The following DUSP10 variants were observed in gnomAD, a reference collection of about 807,000 sequenced individuals.
DUSP10 encodes the protein dual specificity protein phosphatase 10.
Under a neutral mutation model 30.8 loss-of-function variants are expected in DUSP10, and 14 were observed. That is an observed-to-expected ratio of 0.46 (90% CI 0.30 to 0.71). DUSP10 has a LOEUF of 0.71. Among genes scored for constraint, DUSP10 ranks in the 30% least tolerant of loss-of-function variants. DUSP10 has a pLI of 0.08. For synonymous variants in DUSP10, 254 were observed against 250.4 expected (o/e 1.01, Z -0.14); for missense variants, 550 against 619.4 (o/e 0.89, Z 1.19).
intron 2 of DUSP10, among the ~76,000 whole-genome samples, chr1:221,728,546 A>G (rs1469408764): frequency 6.6e-6 from 1 of 152,238 alleles, no homozygotes; most frequent in Non-Finnish European, 1.5e-5. Context: ...AGGAGAGGAG[A>G]GAAACTAAAC....
At chr1:221,715,419 C>T (rs1001474889) in intron 2 of DUSP10, among the ~76,000 whole-genome samples, 4 of 152,168 alleles carry the variant, frequency 2.6e-5, no homozygotes, top group African/African-American at 4.8e-5. Context: ...GGATTTCCGC[C>T]GGCTGGAGTA....
intron 2 of DUSP10, among the ~76,000 whole-genome samples, chr1:221,727,820 A>T (rs1558124102): frequency 6.6e-6 from 1 of 152,136 alleles, no homozygotes; most frequent in Non-Finnish European, 1.5e-5. Context: ...TGCCTTGATC[A>T]CCCATGTCCC....
rs911789135 is a variant in DUSP10, at chr1:221,706,598, C to CA, written c.812-133dup. 5.7e-5 allele frequency: 33 copies of CA among 575,548 alleles called. No individual in the cohort carries two copies. Among genetic ancestry groups the CA allele is most frequent in the East Asian group, 1.7e-4 (5 of 28,716 alleles). 35.7% of individuals were successfully genotyped at this position (575,548 alleles called of 1,614,324 possible). A position where few individuals can be genotyped will look rare whatever the true frequency, so the allele number is the denominator to read the frequency against. On this transcript the variant is annotated intron_variant, in intron 2 of 3. Transcript: ENST00000366899. The surrounding 1 kb of genome is among the most constrained non-coding windows in gnomAD (Gnocchi z 4.6). The stretch of plus-strand genomic sequence containing the variant: ...ATACATATATAAATATGTATTTAAG[C>CA]AAAAAAAATAAAAATAAAAATAAAA...
Position 221,710,869 on chromosome 1 carries a change from G to A in DUSP10, c.812-4403C>T, listed in dbSNP as rs145035389. 3.9e-3 allele frequency among the ~76,000 whole-genome samples: 599 copies of A among 151,980 alleles called. 2 individuals carry two copies. Among genetic ancestry groups the A allele is most frequent in the African/African-American group, 0.014 (568 of 41,394 alleles). ...CTACCAAGGTGGCTAACTTCCTTAT[G>A]TGCACAAGAGCCTGCAGTTATTAGT... is the stretch of plus-strand genomic sequence containing the variant. On this transcript the variant is annotated intron_variant, in intron 2 of 3. Coordinates refer to ENST00000366899, the MANE Select transcript of DUSP10 (RefSeq NM_007207.6).
At chr1:221,723,546 C>T (rs1661338820) in intron 2 of DUSP10, among the ~76,000 whole-genome samples, 1 of 152,246 alleles carries the variant, frequency 6.6e-6, no homozygotes, top group African/African-American at 2.4e-5. Flanking sequence ...CCAGGCCACC[C>T]ACACTTCTAG....
intron 1 of DUSP10, among the ~76,000 whole-genome samples, 159 bp from the exon 2 acceptor site, chr1:221,739,946 A>T (rs141434005): frequency 6.6e-6 from 1 of 152,316 alleles, no homozygotes; most frequent in East Asian, 1.9e-4. Flanking sequence ...ATTTTTATGT[A>T]TTCAAAGAGG....
Position 221,706,470 on chromosome 1 carries a change from G to T in DUSP10, c.812-4C>A. 1 of 1,499,734 alleles carries T rather than the reference G, an allele frequency of 6.7e-7. No individual in the cohort carries two copies. Among genetic ancestry groups the T allele is most frequent in the South Asian group, 1.4e-5 (1 of 72,052 alleles). 92.9% of individuals were successfully genotyped at this position (1,499,734 alleles called of 1,614,324 possible). A position where few individuals can be genotyped will look rare whatever the true frequency, so the allele number is the denominator to read the frequency against. On this transcript the variant is annotated splice_polypyrimidine_tract_variant and splice_region_variant and intron_variant, in intron 2 of 3. Transcript: ENST00000366899. The surrounding 1 kb of genome is among the most constrained non-coding windows in gnomAD (Gnocchi z 4.6). ...TGCTTAAAACTACTAAGTCCACCTA[G>T]AACACAAACACAGAAGGTGAGTGTG...
chr1:221,703,979 A>G (rs545770728), intron 3 of DUSP10, among the ~76,000 whole-genome samples: 3 of 152,226 alleles, frequency 2.0e-5, no homozygotes, highest in Non-Finnish European at 4.4e-5. Flanking sequence ...TTTTCCCTTC[A>G]GCACACGGTA....
intron 2 of DUSP10, among the ~76,000 whole-genome samples, chr1:221,707,216 T>C (rs1337445542): frequency 2.0e-5 from 3 of 152,220 alleles, no homozygotes; most frequent in Non-Finnish European, 2.9e-5. Context: ...ATATTATTTA[T>C]ATGATTGCCC....
In DUSP10 at chr1:221,739,250, A is replaced by T; in HGVS notation, c.495T>A (p.Ser165Arg). 1.9e-6 allele frequency: 3 copies of T among 1,613,866 alleles called. No individual in the cohort carries two copies. The highest frequency in any genetic ancestry group is 2.5e-6 in the Non-Finnish European group (3 of 1,179,990). The change falls in exon 2 of 4, where the codon AGT becomes AGA. Residue 165 changes from serine (S) to arginine (R), a missense_variant. Ser to Arg is a moderately radical substitution (Grantham distance 110). Transcript: ENST00000366899. Reference protein sequence around the residue: ...LAKKMTKCSKSHLPSQGPVII... With the variant: ...LAKKMTKCSKRHLPSQGPVII... ...TGACAGGGCCCTGACTCGGCAGGTG[A>T]CTCTTGCTGCATTTGGTCATCTTCT...
intron 2 of DUSP10, among the ~76,000 whole-genome samples, chr1:221,731,026 T>C (rs1661574517): frequency 6.6e-6 from 1 of 152,186 alleles, no homozygotes. Context: ...TATAATGAAA[T>C]TCAGGCTACA....
In DUSP10 at chr1:221,702,534, G is replaced by A. The variant is rs1166679701; in HGVS notation, c.1327C>T (p.Pro443Ser). Residue 443 changes from proline (P) to serine (S), a missense_variant, in exon 4 of 4, where the codon CCA (proline) becomes TCA (serine). Physicochemically the swap from Pro to Ser is moderately conservative, Grantham distance 74. Coordinates refer to ENST00000366899, the MANE Select transcript of DUSP10 (RefSeq NM_007207.6). This position sits in a 1 kb window ranked among gnomAD's most constrained non-coding sequence, Gnocchi z 4.5. ...DAYKFVKGKR[P>S]IISPNLNFMG... is the part of the protein sequence containing the mutation. ...AAGTTAAGGTTTGGGGAGATAATTG[G>A]TCGTTTGCCTTTGACAAATTTATAA... 6 of 1,614,000 alleles carry A rather than the reference G, an allele frequency of 3.7e-6. No homozygotes were observed. Among genetic ancestry groups the A allele is most frequent in the Non-Finnish European group, 5.1e-6 (6 of 1,180,040 alleles).
chr1:221,730,316 C>T (rs1008543721), intron 2 of DUSP10, among the ~76,000 whole-genome samples: 11 of 152,202 alleles, frequency 7.2e-5, no homozygotes, highest in South Asian at 4.1e-4. Flanking sequence ...CATTATAACA[C>T]GAGAGGTTTA....
At chr1:221,703,528 G>T (rs928785784) in intron 3 of DUSP10, among the ~76,000 whole-genome samples, 6 of 152,206 alleles carry the variant, frequency 3.9e-5, no homozygotes, top group Non-Finnish European at 7.3e-5. Flanking sequence ...GGCCGAGGGT[G>T]TCACCTCTCA....
rs1422915247 is a variant in DUSP10 at position 221,706,056 on chromosome 1, G to A, written c.1183+39C>T. The A allele has an allele frequency of 6.3e-7, 1 of 1,584,082 alleles. No individual in the cohort carries two copies. Among genetic ancestry groups the A allele is most frequent in the Non-Finnish European group, 8.6e-7 (1 of 1,162,940 alleles). On this transcript the variant is annotated intron_variant, in intron 3 of 3. Coordinates refer to ENST00000366899, the MANE Select transcript of DUSP10 (RefSeq NM_007207.6). The surrounding 1 kb of genome is among the most constrained non-coding windows in gnomAD (Gnocchi z 4.6). Reference sequence around the variant, plus strand: ...TCAAAGCAAGAGCTGGAGGGAAAAGGAAGGCAGCGGATGAAAATTCCCTAT... The same window carrying A: ...TCAAAGCAAGAGCTGGAGGGAAAAGAAAGGCAGCGGATGAAAATTCCCTAT...
intron 2 of DUSP10, among the ~76,000 whole-genome samples, chr1:221,716,220 G>T (rs1434214633): frequency 6.6e-6 from 1 of 152,100 alleles, no homozygotes; most frequent in Non-Finnish European, 1.5e-5. Flanking sequence ...GTCAAAGGTG[G>T]GCTGGGAAGA....
intron 2 of DUSP10, among the ~76,000 whole-genome samples, chr1:221,713,227 A>T (rs1660994668): frequency 6.6e-6 from 1 of 152,216 alleles, no homozygotes; most frequent in African/African-American, 2.4e-5. Flanking sequence ...CCATGAGGAC[A>T]GCCCACTGTA....
chr1:221,741,414 T>TCA (rs138055497), intron 1 of DUSP10, among the ~76,000 whole-genome samples: 20 of 150,272 alleles, frequency 1.3e-4, no homozygotes, highest in East Asian at 5.9e-4. Flanking sequence ...AGTTCAAGGC[T>TCA]CACACACACA....
intron 2 of DUSP10, among the ~76,000 whole-genome samples, chr1:221,738,522 G>T (rs1661844942): frequency 6.6e-6 from 1 of 152,216 alleles, no homozygotes. Flanking sequence ...CACCATAGTT[G>T]CTCCTTCCTC....
Sources: gnomAD v4.1 joint callset for allele counts (sites outside exome capture counted in the v4.1 genomes callset) on GRCh38, gnomAD v4.1.1 for gene constraint, Gnocchi (gnomAD v3.1) non-coding constraint, MANE v1.5 for transcripts, NCBI Gene and HGNC (gene_info 2026-07-23, HGNC 2026-07-21) for gene names.